Variants in TAFA2 observed in about 807,000 individuals in gnomAD.
TAFA2 encodes TAFA chemokine like family member 2, also known as chemokine-like protein TAFA-2.
TAFA2 carries 7 observed loss-of-function variants against 18.8 expected under a neutral mutation model. The ratio of observed to expected loss-of-function variants is 0.37; its 90% confidence interval spans 0.21 to 0.70. The LOEUF is 0.70. Ranked by LOEUF, TAFA2 falls within the 30% of genes least tolerant of loss-of-function variation. The probability of loss-of-function intolerance (pLI) is 0.53; values close to 1 mark genes in which losing one functional copy is unlikely to be tolerated. For missense variants in TAFA2, 122 were observed against 158.1 expected (o/e 0.77, Z 1.23); for synonymous variants, 60 against 54.2 (o/e 1.11, Z -0.47).
At chr12:62,107,249 A>G (rs1869502129) in intron 1 of TAFA2, among the ~76,000 whole-genome samples, 1 of 149,378 alleles carries the variant, frequency 6.7e-6, no homozygotes, top group African/African-American at 2.5e-5. Context: ...AAAAGGGATG[A>G]GAATGGAGGA....
intron 1 of TAFA2, among the ~76,000 whole-genome samples, chr12:61,907,074 C>T: frequency 6.6e-6 from 1 of 152,272 alleles, no homozygotes; most frequent in Non-Finnish European, 1.5e-5. Flanking sequence ...AATTTGTAGC[C>T]TGATGATGTG....
At chr12:61,813,978 C>T (rs942059370) in intron 2 of TAFA2, among the ~76,000 whole-genome samples, 10 of 151,316 alleles carry the variant, frequency 6.6e-5, no homozygotes, top group Non-Finnish European at 1.3e-4. Flanking sequence ...TGCTAAATAT[C>T]GGAGCACATC....
chr12:62,233,453 C>T (rs2062821835), intron 1 of TAFA2, among the ~76,000 whole-genome samples: 1 of 152,132 alleles, frequency 6.6e-6, no homozygotes, highest in African/African-American at 2.4e-5. Flanking sequence ...GCCTGTTTTG[C>T]CCACCATTGG....
chr12:61,738,321 A>ACACACG (rs1455896053), intron 4 of TAFA2, among the ~76,000 whole-genome samples: 5 of 147,398 alleles, frequency 3.4e-5, no homozygotes, highest in African/African-American at 9.8e-5. Flanking sequence ...ACACACACAC[A>ACACACG]CACACACAAA....
chr12:61,837,296 A>T (rs746705246), intron 2 of TAFA2, among the ~76,000 whole-genome samples: 6 of 151,924 alleles, frequency 3.9e-5, no homozygotes, highest in Non-Finnish European at 5.9e-5. Context: ...ATCAAAAATT[A>T]TGTGGTGCAC....
At chr12:61,722,940 T>A (rs1869973682) in intron 4 of TAFA2, among the ~76,000 whole-genome samples, 1 of 152,120 alleles carries the variant, frequency 6.6e-6, no homozygotes, top group African/African-American at 2.4e-5. Flanking sequence ...AAACATAAAC[T>A]TATTTATGAT....
intron 1 of TAFA2, among the ~76,000 whole-genome samples, chr12:62,142,900 A>G (rs2062249599): frequency 6.6e-6 from 1 of 152,148 alleles, no homozygotes; most frequent in Non-Finnish European, 1.5e-5. Context: ...TTTAATCCTT[A>G]TGAGAACGCT....
chr12:61,762,654 T>C (rs967716271), intron 2 of TAFA2, among the ~76,000 whole-genome samples: 5 of 150,234 alleles, frequency 3.3e-5, no homozygotes, highest in Admixed American at 2.7e-4. Flanking sequence ...TATATATACA[T>C]ACACATACAG....
At chr12:61,860,665 G>C (rs12578673) in intron 2 of TAFA2, among the ~76,000 whole-genome samples, 43,940 of 152,000 alleles carry the variant, frequency 0.29, 6,933 homozygotes, top group South Asian at 0.4. Flanking sequence ...TGAATTCTTT[G>C]TTTCATGTCT....
chr12:61,714,700 T>A (rs534695193), intron 4 of TAFA2, among the ~76,000 whole-genome samples: 1 of 152,304 alleles, frequency 6.6e-6, no homozygotes, highest in Admixed American at 6.5e-5. Flanking sequence ...ATTGTGAAAT[T>A]TCCTCTGCCA....
At chr12:61,881,219 T>C (rs1875122486) in intron 1 of TAFA2, among the ~76,000 whole-genome samples, 1 of 152,128 alleles carries the variant, frequency 6.6e-6, no homozygotes, top group Non-Finnish European at 1.5e-5. Context: ...GCCAATATAA[T>C]ATTATATATA....
chr12:62,092,189 CT>C (rs1868743507), intron 1 of TAFA2, among the ~76,000 whole-genome samples: 1 of 151,940 alleles, frequency 6.6e-6, no homozygotes, highest in Non-Finnish European at 1.5e-5. Context: ...ACCAGCTCTT[CT>C]CCACTGGCTC....
chr12:61,844,849 C>T (rs367973054), intron 2 of TAFA2, among the ~76,000 whole-genome samples: 2 of 152,230 alleles, frequency 1.3e-5, no homozygotes. Flanking sequence ...GCCTTGAAAA[C>T]ACTCATCTGG....
At chr12:62,096,339 G>A (rs1237735832) in intron 1 of TAFA2, among the ~76,000 whole-genome samples, 1 of 152,068 alleles carries the variant, frequency 6.6e-6, no homozygotes, top group Non-Finnish European at 1.5e-5. Context: ...AAGCAGGAAA[G>A]GTGAAGGACC....
chr12:61,943,789 C>T (rs1168413129), intron 1 of TAFA2, among the ~76,000 whole-genome samples: 5 of 131,650 alleles, frequency 3.8e-5, no homozygotes, highest in Non-Finnish European at 8.0e-5. Context: ...TACAGGAGCA[C>T]CCAGATTCAT....
chr12:61,811,712 A>T (rs1049844074), intron 2 of TAFA2, among the ~76,000 whole-genome samples: 20 of 151,420 alleles, frequency 1.3e-4, no homozygotes, highest in South Asian at 1.0e-3. Context: ...TACAATTAAT[A>T]TTGGCCCTGC....
chr12:62,135,595 T>C (rs1472118879), intron 1 of TAFA2, among the ~76,000 whole-genome samples: 1 of 151,782 alleles, frequency 6.6e-6, no homozygotes, highest in Admixed American at 6.6e-5. Context: ...AAACAGGTAA[T>C]AAAAAATAGA....
chr12:62,149,733 C>G (rs949082047), intron 1 of TAFA2, among the ~76,000 whole-genome samples: 24 of 151,952 alleles, frequency 1.6e-4, no homozygotes, highest in African/African-American at 5.5e-4. Context: ...AAGGTTCATT[C>G]TTCAATATTC....
At chr12:61,763,091 T>A (rs1470010311) in intron 2 of TAFA2, among the ~76,000 whole-genome samples, 1 of 152,080 alleles carries the variant, frequency 6.6e-6, no homozygotes, top group Non-Finnish European at 1.5e-5. Flanking sequence ...TTTTAGACTT[T>A]CATGCTGAAG....
Sources: gnomAD v4.1 joint callset for allele counts (sites outside exome capture counted in the v4.1 genomes callset) on GRCh38, gnomAD v4.1.1 for gene constraint, MANE v1.5 for transcripts, NCBI Gene and HGNC (gene_info 2026-07-23, HGNC 2026-07-21) for gene names.